Variants in DGKH observed in about 807,000 individuals in gnomAD.
The protein encoded by DGKH is DAG kinase eta.
In DGKH, 90 loss-of-function variants were observed where a neutral mutation model predicts 159.3. That is an observed-to-expected ratio of 0.57 (90% CI 0.48 to 0.67). DGKH has a LOEUF of 0.67. Ranked by LOEUF, DGKH falls within the 30% of genes least tolerant of loss-of-function variation. The pLI is 0.00. For synonymous variants in DGKH, 536 were observed against 553.8 expected, an observed-to-expected ratio of 0.97 and a Z score of 0.45; for missense variants, 1,181 against 1,506.1, an observed-to-expected ratio of 0.78 and a Z score of 3.57.
rs1594258259 is a variant in DGKH at position 42,234,782 on chromosome 13, CAT to C, written c.*5595_*5596del. 6.6e-6 allele frequency: 1 copy of C among 152,270 alleles called. No individual in the cohort carries two copies. The highest frequency in any genetic ancestry group is 2.4e-5 in the African/African-American group (1 of 41,554). 9.4% of individuals were successfully genotyped at this position (152,270 alleles called of 1,614,324 possible). Reference sequence around the variant, plus strand: ...CTCCTCTCACTGCCTGCCCCAGTGCCATGATGTCTGGGGCTTGTCTCTTCTAT... The same window carrying C: ...CTCCTCTCACTGCCTGCCCCAGTGCCGATGTCTGGGGCTTGTCTCTTCTAT... On this transcript the variant is annotated 3_prime_UTR_variant, in exon 30 of 30. Transcript: ENST00000337343.
rs555493677 is a variant in DGKH, at chr13:42,096,569, C to T, written c.193-30894C>T. Among the ~76,000 whole-genome samples, 6 of 152,158 alleles carry T rather than the reference C, an allele frequency of 3.9e-5. No individual in the cohort carries two copies. The East Asian group carries it at 1.2e-3, about 29-fold the overall frequency. On this transcript the variant is annotated intron_variant, in intron 1 of 29. Transcript: ENST00000337343. ...AGAGACTTCAAATTTAATTCAGATCCCATTTATGTGGTAAGCTTTTCAGTC... is the reference window on the plus strand; with the variant it reads ...AGAGACTTCAAATTTAATTCAGATCTCATTTATGTGGTAAGCTTTTCAGTC...
At position 42,194,875 on chromosome 13, in the gene DGKH, T is replaced by C. The variant is rs761168312; in HGVS notation, c.2036-10T>C. On this transcript the variant is annotated splice_polypyrimidine_tract_variant and intron_variant, in intron 16 of 29. Transcript: ENST00000337343. ...ATTATCTCTTTTTAATCTGGACTTTTTGCCAACAGTTAAAACTGCACCTCG... is the reference window on the plus strand; with the variant it reads ...ATTATCTCTTTTTAATCTGGACTTTCTGCCAACAGTTAAAACTGCACCTCG... 6.2e-7 allele frequency: 1 copy of C among 1,607,768 alleles called. No homozygotes were observed. The highest frequency in any genetic ancestry group is 8.5e-7 in the Non-Finnish European group (1 of 1,178,304).
rs1056194147 is a variant in DGKH at position 42,235,753 on chromosome 13, G to C, written c.*6565G>C. 1 of 152,052 alleles carries C rather than the reference G, an allele frequency of 6.6e-6. No homozygotes were observed. The highest frequency in any genetic ancestry group is 1.5e-5 in the Non-Finnish European group (1 of 67,978). The allele number at this position is 152,052 out of a possible 1,614,324, so 9.4% of individuals were successfully genotyped here. A position where few individuals can be genotyped will look rare whatever the true frequency, so the allele number is the denominator to read the frequency against. Reference sequence around the variant, plus strand: ...ATATATTGTATATTGAAGATGACTAGTAAATTCAAGTAATATATTTATCTA... The same window carrying C: ...ATATATTGTATATTGAAGATGACTACTAAATTCAAGTAATATATTTATCTA... On this transcript the variant is annotated 3_prime_UTR_variant, in exon 30 of 30. Coordinates refer to ENST00000337343, the MANE Select transcript of DGKH (RefSeq NM_178009.5).
chr13:42,185,323 C>T (rs77876741), intron 13 of DGKH, among the ~76,000 whole-genome samples: 4,952 of 152,296 alleles, frequency 0.033, 110 homozygotes, highest in Middle Eastern at 0.071. Flanking sequence ...CGAGCACTCT[C>T]CTAACCTTCA....
At chr13:42,145,473 C>T (rs1420380912) in intron 3 of DGKH, among the ~76,000 whole-genome samples, 1 of 152,114 alleles carries the variant, frequency 6.6e-6, no homozygotes, top group Non-Finnish European at 1.5e-5. Context: ...TCAGGATGCT[C>T]TCGGAACCTT....
intron 1 of DGKH, among the ~76,000 whole-genome samples, chr13:42,053,751 T>G (rs1281151110): frequency 2.0e-5 from 3 of 151,902 alleles, no homozygotes; most frequent in Non-Finnish European, 4.4e-5. Context: ...CCTGAGTTGC[T>G]GGGACTACAG....
intron 5 of DGKH, among the ~76,000 whole-genome samples, chr13:42,157,100 T>G (rs1956065619): frequency 1.3e-5 from 2 of 152,210 alleles, no homozygotes; most frequent in Admixed American, 1.3e-4. Flanking sequence ...ATGGGCTTGA[T>G]GCATTAAAAT....
chr13:42,078,566 T>TGGAG (rs1187400615), intron 1 of DGKH, among the ~76,000 whole-genome samples: 2 of 152,142 alleles, frequency 1.3e-5, no homozygotes, highest in African/African-American at 2.4e-5. Flanking sequence ...GTCTGGGAAA[T>TGGAG]GGAGTTTTTA....
rs529114858 is a variant in DGKH at position 42,055,123 on chromosome 13, GC to G, written c.192+6161del. ...AAAATCAGGCGGCCGGCAGGATATG[GC>G]CCATGGATATAGTCTGTGGGCTGTA... On this transcript the variant is annotated intron_variant, in intron 1 of 29. Coordinates refer to ENST00000337343, the MANE Select transcript of DGKH (RefSeq NM_178009.5). 1.2e-4 allele frequency among the ~76,000 whole-genome samples: 19 copies of G among 152,248 alleles called. No homozygotes were observed. The East Asian group carries it at 3.7e-3, about 29-fold the overall frequency.
chr13:42,151,551 G>GTATATATATATATACACGTT, intron 3 of DGKH, among the ~76,000 whole-genome samples: 1 of 99,662 alleles, frequency 1.0e-5, no homozygotes, highest in African/African-American at 4.0e-5. Flanking sequence ...ATATACACGT[G>GTATATATATATATACACGTT]TATATATGTA....
intron 3 of DGKH, among the ~76,000 whole-genome samples, chr13:42,136,962 AC>A (rs1955414954): frequency 1.3e-5 from 2 of 152,252 alleles, no homozygotes; most frequent in South Asian, 2.1e-4. Flanking sequence ...CTCTTATGGC[AC>A]ATCAAATATC....
At chr13:42,124,904 C>T (rs1194129041) in intron 1 of DGKH, among the ~76,000 whole-genome samples, 3 of 152,184 alleles carry the variant, frequency 2.0e-5, no homozygotes, top group Non-Finnish European at 2.9e-5. Context: ...AGATTTTCTC[C>T]TGACACCTGG....
intron 17 of DGKH, among the ~76,000 whole-genome samples, chr13:42,197,808 T>C (rs1390013779): frequency 6.6e-6 from 1 of 152,236 alleles, no homozygotes; most frequent in Admixed American, 6.5e-5. Context: ...CTCTCCAGTC[T>C]TTAGTGCTTC....
downstream of DGKH, among the ~76,000 whole-genome samples, chr13:42,246,620 T>C (rs1484288454): frequency 2.6e-5 from 4 of 152,154 alleles, no homozygotes; most frequent in Non-Finnish European, 5.9e-5. Context: ...AATGTGGGCA[T>C]TGGAGCACTA....
intron 1 of DGKH, among the ~76,000 whole-genome samples, chr13:42,089,920 C>CAA (rs35098414): frequency 7.9e-5 from 12 of 152,042 alleles, no homozygotes; most frequent in Admixed American, 3.9e-4. Context: ...TCTCAGATTA[C>CAA]AAAAAATTAA....
At chr13:42,109,022 G>A (rs1430399553) in intron 1 of DGKH, among the ~76,000 whole-genome samples, 1 of 152,174 alleles carries the variant, frequency 6.6e-6, no homozygotes. Flanking sequence ...GAGAGAGAAC[G>A]ATTAGAGATG....
At chr13:42,198,233 C>A (rs1486030147) in intron 17 of DGKH, among the ~76,000 whole-genome samples, 2 of 152,166 alleles carry the variant, frequency 1.3e-5, no homozygotes, top group African/African-American at 4.8e-5. Context: ...CAAAGCCATT[C>A]CTATTTAGGT....
intron 21 of DGKH, among the ~76,000 whole-genome samples, chr13:42,207,162 C>T (rs867645748): frequency 0.061 from 4,665 of 76,286 alleles, 717 homozygotes; most frequent in Admixed American, 0.15. Context: ...TCCTTCCTTC[C>T]TTCCTTCCTT....
chr13:42,227,794 C>T (rs1336562278), intron 29 of DGKH, among the ~76,000 whole-genome samples: 1 of 152,130 alleles, frequency 6.6e-6, no homozygotes, highest in African/African-American at 2.4e-5. Flanking sequence ...ACTCCAAGAG[C>T]TCTTAAAGGG....
Sources: gnomAD v4.1 joint callset for allele counts (sites outside exome capture counted in the v4.1 genomes callset) on GRCh38, gnomAD v4.1.1 for gene constraint, MANE v1.5 for transcripts, NCBI Gene and HGNC (gene_info 2026-07-23, HGNC 2026-07-21) for gene names.